The following TMEM117 variants were observed in gnomAD, a reference collection of about 807,000 sequenced individuals.
TMEM117 encodes the protein transmembrane protein 117.
Under a neutral mutation model 52.4 loss-of-function variants are expected in TMEM117, and 27 were observed. The ratio of observed to expected loss-of-function variants is 0.51; its 90% confidence interval spans 0.38 to 0.71. The LOEUF is 0.71. Ranked by LOEUF, TMEM117 falls within the 30% of genes least tolerant of loss-of-function variation. The pLI, the probability that TMEM117 is intolerant of heterozygous loss-of-function variation, is 0.00. For synonymous variants in TMEM117, 215 were observed against 206.3 expected, an observed-to-expected ratio of 1.04 and a Z score of -0.36; for missense variants, 556 against 630.5, an observed-to-expected ratio of 0.88 and a Z score of 1.26.
chr12:44,249,046 C>CT (rs1458359754), intron 5 of TMEM117: 1 of 152,240 alleles, frequency 6.6e-6, no homozygotes, highest in East Asian at 1.9e-4. Flanking sequence ...AAGCATGGTG[C>CT]TGACATCTGC....
chr12:43,929,966 G>T (rs1465086211), intron 2 of TMEM117, among the ~76,000 whole-genome samples: 1 of 151,898 alleles, frequency 6.6e-6, no homozygotes, highest in Non-Finnish European at 1.5e-5. Context: ...TTAAAAAATT[G>T]AATATTAGAG....
chr12:44,277,664 C>T (rs975332915), intron 5 of TMEM117, among the ~76,000 whole-genome samples: 3 of 151,684 alleles, frequency 2.0e-5, no homozygotes, highest in African/African-American at 7.3e-5. Flanking sequence ...CCCAGAGTCA[C>T]TCTCAAATTT....
chr12:44,287,619 T>C (rs181163705), intron 5 of TMEM117, among the ~76,000 whole-genome samples: 2 of 152,254 alleles, frequency 1.3e-5, no homozygotes, highest in East Asian at 1.9e-4. Flanking sequence ...TTTACAATAG[T>C]ATGCTTATAA....
chr12:43,880,838 G>T (rs1431846372), intron 2 of TMEM117, among the ~76,000 whole-genome samples: 1 of 152,192 alleles, frequency 6.6e-6, no homozygotes, highest in Non-Finnish European at 1.5e-5. Context: ...GGCCTAATAA[G>T]AAGTCAACCC....
intron 3 of TMEM117, among the ~76,000 whole-genome samples, chr12:43,997,144 G>A (rs1046941026): frequency 2.6e-5 from 4 of 152,166 alleles, no homozygotes; most frequent in African/African-American, 7.2e-5. Flanking sequence ...GAGAGATTGG[G>A]TAAGCTGGAA....
intron 5 of TMEM117, among the ~76,000 whole-genome samples, chr12:44,236,171 CATAT>C (rs34442924): frequency 1.8e-4 from 26 of 148,262 alleles, no homozygotes; most frequent in African/African-American, 5.3e-4. Flanking sequence ...TAGTTTCTAG[CATAT>C]ATATATATAT....
intron 3 of TMEM117, among the ~76,000 whole-genome samples, chr12:44,107,469 G>A (rs2138095247): frequency 6.6e-6 from 1 of 152,226 alleles, no homozygotes; most frequent in East Asian, 1.9e-4. Flanking sequence ...TTATTGCACA[G>A]TGGTTTAAGA....
intron 3 of TMEM117, among the ~76,000 whole-genome samples, chr12:44,013,014 CTCTT>C (rs949698920): frequency 6.7e-6 from 1 of 149,384 alleles, no homozygotes; most frequent in African/African-American, 2.5e-5. Context: ...TTTCTTTTTT[CTCTT>C]TCTTTCTTGC....
intron 4 of TMEM117, among the ~76,000 whole-genome samples, chr12:44,160,853 A>G (rs1382660801): frequency 6.6e-6 from 1 of 152,206 alleles, no homozygotes. Flanking sequence ...ATGATTTGAA[A>G]TGAATTATTG....
rs575526128 is a variant in TMEM117 at position 44,096,466 on chromosome 12, C to T, written c.411-47059C>T. On this transcript the variant is annotated intron_variant, in intron 3 of 7. Transcript: ENST00000266534. ...TCACGCTACCTGACTTCAAACTATACTACAGGGCTACAGTAACCAAAACAG... is the reference window on the plus strand; with the variant it reads ...TCACGCTACCTGACTTCAAACTATATTACAGGGCTACAGTAACCAAAACAG... 1.2e-3 allele frequency among the ~76,000 whole-genome samples: 182 copies of T among 152,198 alleles called. 1 individual carries two copies. The highest frequency in any genetic ancestry group is 3.9e-3 in the African/African-American group (163 of 41,510).
chr12:44,352,978 G>A (rs1389255227), intron 6 of TMEM117, among the ~76,000 whole-genome samples: 1 of 152,012 alleles, frequency 6.6e-6, no homozygotes, highest in Admixed American at 6.6e-5. Context: ...ACTTTTTAAT[G>A]ATCGCCATTC....
chr12:44,107,434 A>G (rs1179827153), intron 3 of TMEM117, among the ~76,000 whole-genome samples: 1 of 152,118 alleles, frequency 6.6e-6, no homozygotes, highest in Non-Finnish European at 1.5e-5. Flanking sequence ...ATAAAAATTC[A>G]CTTAGAACCT....
chr12:44,039,667 G>A (rs1007119054), intron 3 of TMEM117, among the ~76,000 whole-genome samples: 14 of 151,616 alleles, frequency 9.2e-5, no homozygotes, highest in African/African-American at 2.7e-4. Context: ...CTGTGAATGC[G>A]TTATACTTTT....
the TMEM117 span, among the ~76,000 whole-genome samples, chr12:43,801,003 C>T: frequency 6.6e-6 from 1 of 152,138 alleles, no homozygotes; most frequent in South Asian, 2.1e-4. Context: ...CCACTCGCCT[C>T]GGCTTCCCAA....
chr12:44,115,175 C>T (rs1249584466), intron 3 of TMEM117, among the ~76,000 whole-genome samples: 1 of 152,206 alleles, frequency 6.6e-6, no homozygotes, highest in Non-Finnish European at 1.5e-5. Context: ...CTGCAGAATT[C>T]TCTGCACTGT....
intron 4 of TMEM117, among the ~76,000 whole-genome samples, chr12:44,202,801 T>G (rs949698200): frequency 1.3e-5 from 2 of 151,918 alleles, no homozygotes; most frequent in Non-Finnish European, 2.9e-5. Flanking sequence ...AGCTTTTTTT[T>G]TTTTTTAGAT....
the TMEM117 span, chr12:43,805,990 AT>A: frequency 1.3e-6 from 2 of 1,534,000 alleles, no homozygotes; most frequent in African/African-American, 2.7e-5. Flanking sequence ...GCTCCCCCGA[AT>A]TTCGGATCAA....
rs114982709 is a variant in TMEM117 at position 44,017,525 on chromosome 12, T to C, written c.410+73183T>C. Among the ~76,000 whole-genome samples, 684 of 152,194 alleles carry C rather than the reference T, an allele frequency of 4.5e-3. 5 individuals carry two copies. The highest frequency in any genetic ancestry group is 0.016 in the African/African-American group (655 of 41,540). On this transcript the variant is annotated intron_variant, in intron 3 of 7. Coordinates refer to ENST00000266534, the MANE Select transcript of TMEM117 (RefSeq NM_032256.3). ...ATCACTTGGAAAATAGATTTGTGTATTCTGAGTGCTTGTCACTGGGTTGGC... is the reference window on the plus strand; with the variant it reads ...ATCACTTGGAAAATAGATTTGTGTACTCTGAGTGCTTGTCACTGGGTTGGC...
intron 5 of TMEM117, among the ~76,000 whole-genome samples, chr12:44,267,768 CT>C (rs1171779538): frequency 6.6e-6 from 1 of 152,014 alleles, no homozygotes; most frequent in Non-Finnish European, 1.5e-5. Flanking sequence ...AGTATTTGTC[CT>C]TTTGTGTCTG....
Sources: allele counts gnomAD v4.1 joint callset (sites outside exome capture counted in the v4.1 genomes callset), GRCh38; gene constraint gnomAD v4.1.1; transcripts MANE v1.5; gene names NCBI Gene and HGNC (gene_info 2026-07-23, HGNC 2026-07-21).